Variants in PHACTR1 observed in about 807,000 individuals in gnomAD.
The protein encoded by PHACTR1 is RPEL repeat containing 1.
Under a neutral mutation model 69.2 loss-of-function variants are expected in PHACTR1, and 16 were observed. That is an observed-to-expected ratio of 0.23 (90% CI 0.16 to 0.35). PHACTR1 has a LOEUF of 0.35. Among genes scored for constraint, PHACTR1 ranks in the 10% least tolerant of loss-of-function variants. The pLI is 1.00. For missense variants in PHACTR1, 510 were observed against 734.7 expected, an observed-to-expected ratio of 0.69 and a Z score of 3.54; for synonymous variants, 312 against 284.5, an observed-to-expected ratio of 1.10 and a Z score of -0.97.
intron 4 of PHACTR1, among the ~76,000 whole-genome samples, chr6:13,037,936 C>A (rs1015365607): frequency 1.2e-4 from 19 of 152,152 alleles, no homozygotes; most frequent in African/African-American, 4.6e-4. Context: ...AAGGTGGTAT[C>A]AAGGACAACT....
chr6:12,970,145 A>G (rs905191441), intron 4 of PHACTR1, among the ~76,000 whole-genome samples: 2 of 152,216 alleles, frequency 1.3e-5, no homozygotes, highest in African/African-American at 4.8e-5. Flanking sequence ...AAGAAGCTGA[A>G]TGTGCTGTCT....
At chr6:13,170,339 A>C (rs1438445620) in intron 6 of PHACTR1, among the ~76,000 whole-genome samples, 1 of 152,190 alleles carries the variant, frequency 6.6e-6, no homozygotes, top group Non-Finnish European at 1.5e-5. Context: ...ATGTAAATTC[A>C]TATTGGAATA....
At chr6:13,028,627 T>C (rs1421141146) in intron 4 of PHACTR1, among the ~76,000 whole-genome samples, 2 of 152,180 alleles carry the variant, frequency 1.3e-5, no homozygotes, top group Admixed American at 1.3e-4. Context: ...TCTTTACTAT[T>C]GGGGAGTGTC....
chr6:12,719,260 G>C (rs997246801), intron 3 of PHACTR1, among the ~76,000 whole-genome samples: 1 of 152,308 alleles, frequency 6.6e-6, no homozygotes, highest in East Asian at 1.9e-4. Flanking sequence ...TGAGAGAAGC[G>C]CTGAGCTTCT....
At chr6:12,883,952 A>G (rs1032502273) in intron 4 of PHACTR1, among the ~76,000 whole-genome samples, 2 of 152,118 alleles carry the variant, frequency 1.3e-5, no homozygotes, top group Non-Finnish European at 2.9e-5. Flanking sequence ...ACATACATAT[A>G]CACACAGTCA....
At chr6:12,959,967 C>T (rs769190258) in intron 4 of PHACTR1, among the ~76,000 whole-genome samples, 2 of 152,162 alleles carry the variant, frequency 1.3e-5, no homozygotes, top group African/African-American at 2.4e-5. Flanking sequence ...CTGGGATAGT[C>T]CAACATTTAT....
intron 8 of PHACTR1, 33 bp downstream of exon 8, chr6:13,206,169 G>T (rs751202386): frequency 2.0e-6 from 3 of 1,513,216 alleles, no homozygotes; most frequent in South Asian, 2.6e-5. Flanking sequence ...AGGACGGGAG[G>T]AGAGGGGTTG....
intron 4 of PHACTR1, among the ~76,000 whole-genome samples, chr6:12,883,461 C>T (rs1783304778): frequency 6.6e-6 from 1 of 151,780 alleles, no homozygotes. Context: ...GTGATCTGTC[C>T]TCCTTGGGCT....
intron 5 of PHACTR1, among the ~76,000 whole-genome samples, chr6:13,126,068 CATTT>C (rs1819490824): frequency 6.6e-6 from 1 of 152,012 alleles, no homozygotes; most frequent in African/African-American, 2.4e-5. Flanking sequence ...TATTTAAAAA[CATTT>C]ATGTTATTCA....
At chr6:12,738,686 A>T (rs1764637515) in intron 3 of PHACTR1, among the ~76,000 whole-genome samples, 1 of 152,092 alleles carries the variant, frequency 6.6e-6, no homozygotes, top group Non-Finnish European at 1.5e-5. Context: ...AACATGGTGA[A>T]ACCCTGTCTC....
intron 4 of PHACTR1, among the ~76,000 whole-genome samples, chr6:12,907,147 A>G (rs1488944644): frequency 1.3e-5 from 2 of 152,216 alleles, no homozygotes; most frequent in Non-Finnish European, 2.9e-5. Context: ...AGCTACTGAC[A>G]TATTTCCCTT....
intron 4 of PHACTR1, among the ~76,000 whole-genome samples, chr6:12,808,403 A>G (rs544765405): frequency 5.0e-4 from 76 of 152,354 alleles, no homozygotes; most frequent in African/African-American, 1.7e-3. Flanking sequence ...TTGTTCCAAC[A>G]AATCCACCCA....
At chr6:12,972,764 G>A (rs1208527242) in intron 4 of PHACTR1, among the ~76,000 whole-genome samples, 1 of 150,982 alleles carries the variant, frequency 6.6e-6, no homozygotes, top group South Asian at 2.1e-4. Flanking sequence ...CGATTCTCCT[G>A]TCTCAGCCTC....
chr6:12,827,755 C>T (rs1776962289), intron 4 of PHACTR1, among the ~76,000 whole-genome samples: 1 of 152,060 alleles, frequency 6.6e-6, no homozygotes, highest in Non-Finnish European at 1.5e-5. Flanking sequence ...AAAAGACTGG[C>T]CCTTGGCAAG....
In PHACTR1 at chr6:12,896,887, A is replaced by G. The variant is rs540044916; in HGVS notation, c.250+147097A>G. ...GAACTGGAAAGGTCAGTTATCTCCA[A>G]TGTACTAGGGGTAGAATTCAAAGTA... On this transcript the variant is annotated intron_variant, in intron 4 of 14. Transcript: ENST00000332995. Among the ~76,000 whole-genome samples, 15 of 152,230 alleles carry G rather than the reference A, an allele frequency of 9.9e-5. No individual in the cohort carries two copies. The South Asian group carries it at 2.9e-3, about 30-fold the overall frequency.
At position 13,163,848 on chromosome 6, in the gene PHACTR1, G is replaced by A. The variant is rs188548736; in HGVS notation, c.496+3564G>A. 3.4e-4 allele frequency among the ~76,000 whole-genome samples: 51 copies of A among 152,230 alleles called. 1 individual carries two copies. Among genetic ancestry groups the A allele is most frequent in the African/African-American group, 1.1e-3 (46 of 41,540 alleles). Reference sequence around the variant, plus strand: ...GAGATAGCACATATGAAATAGAACAGTGACTTTTTTATAACAGTGACTTTA... The same window carrying A: ...GAGATAGCACATATGAAATAGAACAATGACTTTTTTATAACAGTGACTTTA... On this transcript the variant is annotated intron_variant, in intron 6 of 14. Coordinates refer to ENST00000332995, the MANE Select transcript of PHACTR1 (RefSeq NM_030948.6).
chr6:13,284,609 T>C (rs1463921392), intron 13 of PHACTR1, among the ~76,000 whole-genome samples: 3 of 141,760 alleles, frequency 2.1e-5, no homozygotes, highest in Non-Finnish European at 4.5e-5. Context: ...GGAATAATGA[T>C]TCTGCCCAAT....
chr6:13,178,076 C>T (rs537656206), intron 6 of PHACTR1, among the ~76,000 whole-genome samples: 23 of 152,306 alleles, frequency 1.5e-4, no homozygotes, highest in Admixed American at 1.4e-3. Context: ...ATCTTAGATC[C>T]GTTGCTTTCT....
chr6:13,177,528 G>A (rs982975032), intron 6 of PHACTR1, among the ~76,000 whole-genome samples: 4 of 152,036 alleles, frequency 2.6e-5, no homozygotes, highest in African/African-American at 7.3e-5. Context: ...ACCCATGAGA[G>A]CCTGAAAGAA....
Sources: gnomAD v4.1 joint callset for allele counts (sites outside exome capture counted in the v4.1 genomes callset) on GRCh38, gnomAD v4.1.1 for gene constraint, MANE v1.5 for transcripts, NCBI Gene and HGNC (gene_info 2026-07-23, HGNC 2026-07-21) for gene names.